The following TENM3 variants were observed in gnomAD, a reference collection of about 807,000 sequenced individuals.
TENM3 encodes the protein teneurin transmembrane protein 3, also known as teneurin-3.
A neutral mutation model predicts 255.1 loss-of-function variants in TENM3; 63 were observed. The observed-to-expected ratio is 0.25, with a 90% CI of 0.20 to 0.30. The LOEUF is 0.30. TENM3 is among the 10% of genes least tolerant of loss of function. The pLI is 1.00. For missense variants in TENM3, 2,929 were observed against 3,461.1 expected (o/e 0.85, Z 3.86); for synonymous variants, 1,306 against 1,322.3 (o/e 0.99, Z 0.27).
intron 1 of TENM3, among the ~76,000 whole-genome samples, chr4:182,279,671 G>T (rs182978261): frequency 6.6e-6 from 1 of 152,280 alleles, no homozygotes; most frequent in African/African-American, 2.4e-5. Context: ...TTATTATTAT[G>T]ATTATCTTTT....
At chr4:181,994,807 T>C in the TENM3 span, among the ~76,000 whole-genome samples, 1 of 152,158 alleles carries the variant, frequency 6.6e-6, no homozygotes, top group Non-Finnish European at 1.5e-5. Flanking sequence ...ACAGAGTAAA[T>C]AACAAAAAGT....
At chr4:182,507,273 T>C (rs1357176973) in intron 3 of TENM3, among the ~76,000 whole-genome samples, 2 of 152,220 alleles carry the variant, frequency 1.3e-5, no homozygotes, top group South Asian at 2.1e-4. Context: ...TGTCTAAAGA[T>C]TGAAGTTAGT....
chr4:182,185,069 G>A (rs1231684873), intron 1 of TENM3, among the ~76,000 whole-genome samples: 1 of 132,454 alleles, frequency 7.5e-6, no homozygotes, highest in Non-Finnish European at 1.6e-5. Flanking sequence ...GACAACAAGA[G>A]CAAAACTCTG....
chr4:181,455,542 T>C, the TENM3 span, among the ~76,000 whole-genome samples: 1 of 152,114 alleles, frequency 6.6e-6, no homozygotes, highest in African/African-American at 2.4e-5. Flanking sequence ...AATCACTTTT[T>C]AAGATATTGA....
chr4:181,497,603 G>A, the TENM3 span, among the ~76,000 whole-genome samples: 1 of 152,152 alleles, frequency 6.6e-6, no homozygotes, highest in Admixed American at 6.6e-5. Context: ...AAACAAAAAT[G>A]GAGGAAGGCT....
At chr4:182,638,590 T>C (rs1752045954) in intron 5 of TENM3, among the ~76,000 whole-genome samples, 1 of 152,198 alleles carries the variant, frequency 6.6e-6, no homozygotes, top group African/African-American at 2.4e-5. Context: ...CTAAGATATT[T>C]TCTGAGAAAA....
chr4:182,391,375 C>T (rs993401788), intron 3 of TENM3, among the ~76,000 whole-genome samples: 5 of 152,134 alleles, frequency 3.3e-5, no homozygotes, highest in South Asian at 2.1e-4. Context: ...GATTCTAGTA[C>T]GACTTGTTCC....
chr4:182,714,161 C>G lies in TENM3; in HGVS notation c.2296C>G (p.Pro766Ala). 1 of 1,613,744 alleles carries G rather than the reference C, an allele frequency of 6.2e-7. No homozygotes were observed. Among genetic ancestry groups the G allele is most frequent in the Non-Finnish European group, 8.5e-7 (1 of 1,179,762 alleles). The change falls in exon 13 of 28, where the codon CCT becomes GCT. Residue 766 changes from proline to alanine, a missense_variant. Pro to Ala is a conservative substitution (Grantham distance 27). This residue lies in a region of TENM3 where 1,608 missense variants were observed against 1,884.4 expected (regional missense o/e 0.85). Coordinates refer to ENST00000511685, the MANE Select transcript of TENM3 (RefSeq NM_001080477.4). ...DQNGWHCVCQ[P>A]GWRGAGCDVA... is the part of the protein sequence containing the mutation. ...AAATGGCTGGCATTGTGTGTGCCAG[C>G]CTGGATGGAGAGGAGCAGGCTGTGA...
chr4:182,691,294 A>G (rs1756989822), intron 12 of TENM3, among the ~76,000 whole-genome samples: 3 of 152,226 alleles, frequency 2.0e-5, no homozygotes, highest in African/African-American at 4.8e-5. Context: ...GAATGCTCAT[A>G]AATCAGCCAG....
At chr4:181,928,683 C>T in the TENM3 span, among the ~76,000 whole-genome samples, 1 of 152,020 alleles carries the variant, frequency 6.6e-6, no homozygotes, top group African/African-American at 2.4e-5. Context: ...AAAGAGAACA[C>T]CACAAAGATA....
At chr4:182,022,773 A>G in the TENM3 span, among the ~76,000 whole-genome samples, 1 of 152,218 alleles carries the variant, frequency 6.6e-6, no homozygotes, top group African/African-American at 2.4e-5. Flanking sequence ...CATTTCTTAA[A>G]TACCAAACAA....
rs902378551 is a variant in TENM3, at chr4:182,753,589, C to T, written c.4002C>T (p.Ser1334=). Residue 1334 remains serine, a synonymous_variant, in exon 21 of 28, where the codon AGC becomes AGT. Transcript: ENST00000511685. ...TSARPLTCDT[S]MHISQVRLEW... is the part of the protein sequence containing the mutation. ...CCAGACCTTTAACTTGTGACACCAG[C>T]ATGCACATCAGCCAGGTAGTTAAAT... is the stretch of plus-strand genomic sequence containing the variant. 4 of 1,613,798 alleles carry T rather than the reference C, an allele frequency of 2.5e-6. No individual in the cohort carries two copies. The East Asian group carries it at 8.9e-5, about 36-fold the overall frequency.
chr4:182,576,400 C>G (rs752193304), intron 3 of TENM3, among the ~76,000 whole-genome samples: 26 of 151,900 alleles, frequency 1.7e-4, no homozygotes, highest in Non-Finnish European at 3.4e-4. Flanking sequence ...GCAATGCACT[C>G]ATAAGAAAAA....
the TENM3 span, among the ~76,000 whole-genome samples, chr4:181,758,503 A>G: frequency 1.3e-5 from 2 of 152,228 alleles, no homozygotes; most frequent in South Asian, 2.1e-4. Flanking sequence ...CAGCATTTGC[A>G]TAGAAGAATT....
At chr4:181,687,768 A>C in the TENM3 span, among the ~76,000 whole-genome samples, 1 of 152,076 alleles carries the variant, frequency 6.6e-6, no homozygotes, top group African/African-American at 2.4e-5. Context: ...GTTAGTAGTA[A>C]AGCCTGGTCA....
chr4:182,465,656 G>C (rs1221075754), intron 3 of TENM3, among the ~76,000 whole-genome samples: 1 of 152,062 alleles, frequency 6.6e-6, no homozygotes, highest in South Asian at 2.1e-4. Flanking sequence ...AAAGTATACT[G>C]CTAGAGTCTT....
At chr4:182,212,061 T>A (rs1755078314) in intron 1 of TENM3, among the ~76,000 whole-genome samples, 1 of 152,236 alleles carries the variant, frequency 6.6e-6, no homozygotes, top group East Asian at 1.9e-4. Flanking sequence ...CCTATCCATA[T>A]TTTTTAACTA....
In TENM3 at chr4:182,646,359, A is replaced by G. The variant is rs915816026; in HGVS notation, c.989-7412A>G. Among the ~76,000 whole-genome samples the G allele has an allele frequency of 6.6e-5, 10 of 152,192 alleles. No homozygotes were observed. In the East Asian group the frequency reaches 1.9e-3, roughly 29 times the overall value. On this transcript the variant is annotated intron_variant, in intron 5 of 27. Transcript: ENST00000511685. The stretch of plus-strand genomic sequence containing the variant: ...CCAGGAGAATTATGAAAGGAAAATA[A>G]AGTATTGATGATGTGTGGCTAATAA...
At chr4:182,615,217 T>C (rs898001411) in intron 4 of TENM3, among the ~76,000 whole-genome samples, 2 of 151,846 alleles carry the variant, frequency 1.3e-5, no homozygotes, top group East Asian at 3.9e-4. Flanking sequence ...AGAGAATGAT[T>C]AGAAGTAGCT....
Sources: gnomAD v4.1 joint callset for allele counts (sites outside exome capture counted in the v4.1 genomes callset) on GRCh38, gnomAD v4.1.1 for gene constraint, gnomAD v4.1.1 regional missense constraint, MANE v1.5 for transcripts, NCBI Gene and HGNC (gene_info 2026-07-23, HGNC 2026-07-21) for gene names.